DNAJC3: variants seen among roughly 807,000 people sequenced by gnomAD.
The protein encoded by DNAJC3 is DnaJ heat shock protein family (Hsp40) member C3, also known as dnaJ homolog subfamily C member 3.
DNAJC3 carries 38 observed loss-of-function variants against 68.6 expected under a neutral mutation model. The ratio of observed to expected loss-of-function variants is 0.55; its 90% CI spans 0.43 to 0.73. DNAJC3 has a LOEUF of 0.73. DNAJC3 is among the 30% of genes least tolerant of loss of function. The pLI, the probability that DNAJC3 is intolerant of heterozygous loss-of-function variation, is 0.00. For synonymous variants in DNAJC3, 203 were observed against 204.0 expected (o/e 1.00, Z 0.04); for missense variants, 526 against 591.9 (o/e 0.89, Z 1.16).
chr13:95,738,919 C>T (rs976409941), intron 4 of DNAJC3, among the ~76,000 whole-genome samples: 42 of 151,960 alleles, frequency 2.8e-4, no homozygotes, highest in African/African-American at 6.0e-4. Context: ...TTCCTAGTCT[C>T]GATGGTCTTT....
chr13:95,709,429 ATTTC>A, intron 2 of DNAJC3, 92 bp downstream of exon 2: 1 of 872,884 alleles, frequency 1.1e-6, no homozygotes, highest in Non-Finnish European at 1.7e-6. Flanking sequence ...AATAAACATT[ATTTC>A]ATGTTTAAAT....
At chr13:95,780,728 T>C (rs1261059944) in intron 9 of DNAJC3, among the ~76,000 whole-genome samples, 3 of 152,232 alleles carry the variant, frequency 2.0e-5, no homozygotes, top group Non-Finnish European at 2.9e-5. Flanking sequence ...AGGTCTGATA[T>C]ACTATATTCT....
chr13:95,700,904 A>G (rs1880567989), intron 1 of DNAJC3, among the ~76,000 whole-genome samples: 2 of 152,196 alleles, frequency 1.3e-5, no homozygotes, highest in Non-Finnish European at 2.9e-5. Context: ...GTCACCTAGC[A>G]CTTAAAGTGT....
At chr13:95,782,569 T>C (rs1022106152) in intron 9 of DNAJC3, among the ~76,000 whole-genome samples, 1 of 152,230 alleles carries the variant, frequency 6.6e-6, no homozygotes, top group African/African-American at 2.4e-5. Flanking sequence ...GATGAGCTTT[T>C]TTTCATATGT....
chr13:95,693,433 C>A (rs531955435), intron 1 of DNAJC3: 1 of 152,190 alleles, frequency 6.6e-6, no homozygotes, highest in South Asian at 2.1e-4. Flanking sequence ...ATAGGACAAC[C>A]CCACTTCACA....
intron 1 of DNAJC3, among the ~76,000 whole-genome samples, chr13:95,708,303 C>T (rs116243306): frequency 0.013 from 2,028 of 152,256 alleles, 49 homozygotes; most frequent in African/African-American, 0.045. Flanking sequence ...GAATTCAGAG[C>T]GGAGAGGCAA....
chr13:95,717,064 G>A (rs745521615), intron 2 of DNAJC3, among the ~76,000 whole-genome samples: 3 of 152,090 alleles, frequency 2.0e-5, no homozygotes, highest in Admixed American at 6.5e-5. Context: ...AGAGATGTGC[G>A]TTTATCAGAA....
In DNAJC3 at chr13:95,763,938, G is replaced by C. The variant is rs59892430; in HGVS notation, c.1060G>C (p.Glu354Gln). ...KDRAEAYLIE[E>Q]MYDEAIQDYE... Reference sequence around the variant, plus strand: ...TCGAGCAGAGGCCTATTTGATAGAGGAAATGTATGATGAAGGTAAATCTTT... The same window carrying C: ...TCGAGCAGAGGCCTATTTGATAGAGCAAATGTATGATGAAGGTAAATCTTT... The change falls in exon 9 of 12, where the codon GAA (glutamate) becomes CAA (glutamine). Residue 354 changes from glutamate (E) to glutamine (Q), a missense_variant. Coordinates refer to ENST00000602402, the MANE Select transcript of DNAJC3 (RefSeq NM_006260.5). 1,251 of 1,613,962 alleles carry C rather than the reference G, an allele frequency of 7.8e-4. 11 individuals are homozygous for C. The African/African-American group carries it at 0.014, about 19-fold the overall frequency.
intron 1 of DNAJC3, among the ~76,000 whole-genome samples, chr13:95,679,478 ATT>A (rs1879858959): frequency 6.6e-6 from 1 of 152,112 alleles, no homozygotes. Flanking sequence ...TTGACACTGG[ATT>A]TGGTGATAGG....
chr13:95,791,095 G>T lies in DNAJC3; in HGVS notation c.*65G>T. ...TAAAAACAAAGAAATCTTGTTCCGG[G>T]ACCCTAATGAAAAAAAATTTCAAAT... is the stretch of plus-strand genomic sequence containing the variant. On this transcript the variant is annotated 3_prime_UTR_variant, in exon 12 of 12. Coordinates refer to ENST00000602402, the MANE Select transcript of DNAJC3 (RefSeq NM_006260.5). The T allele has an allele frequency of 1.9e-6, 3 of 1,569,164 alleles. No individual in the cohort carries two copies. The highest frequency in any genetic ancestry group is 2.6e-6 in the Non-Finnish European group (3 of 1,157,934).
chr13:95,788,704 A>G (rs1883674575), intron 11 of DNAJC3, among the ~76,000 whole-genome samples: 1 of 152,216 alleles, frequency 6.6e-6, no homozygotes, highest in Non-Finnish European at 1.5e-5. Flanking sequence ...TAATGTGAAT[A>G]TAGCTGAATT....
At chr13:95,773,731 CTTTTTTTTTTTTTT>C (rs143145399) in intron 9 of DNAJC3, among the ~76,000 whole-genome samples, 1 of 71,336 alleles carries the variant, frequency 1.4e-5, no homozygotes, top group Non-Finnish European at 2.5e-5. Flanking sequence ...TTTTGTTGGT[CTTTTTTTTTTTTTT>C]TTTTTTTTTT....
intron 7 of DNAJC3, 133 bp downstream of exon 7, chr13:95,760,931 C>G: frequency 1.6e-6 from 2 of 1,246,038 alleles, no homozygotes; most frequent in Non-Finnish European, 2.1e-6. Flanking sequence ...TGGGCCTTAG[C>G]AAAACTACCA....
chr13:95,719,116 T>TA (rs766542672), intron 2 of DNAJC3, among the ~76,000 whole-genome samples: 2 of 152,180 alleles, frequency 1.3e-5, no homozygotes, highest in Non-Finnish European at 2.9e-5. Context: ...GGGAAACACT[T>TA]ACGTTTACTG....
intron 9 of DNAJC3, among the ~76,000 whole-genome samples, chr13:95,777,784 A>G (rs1380631462): frequency 6.6e-6 from 1 of 152,196 alleles, no homozygotes; most frequent in South Asian, 2.1e-4. Context: ...GAATATTAAG[A>G]AGGGAACAAA....
intron 4 of DNAJC3, among the ~76,000 whole-genome samples, chr13:95,743,203 T>A (rs570156273): frequency 6.6e-6 from 1 of 152,330 alleles, no homozygotes; most frequent in East Asian, 1.9e-4. Flanking sequence ...AGAAAAACTT[T>A]TGAGAATTTA....
intron 4 of DNAJC3, among the ~76,000 whole-genome samples, chr13:95,753,095 C>T (rs572917935): frequency 6.6e-6 from 1 of 152,276 alleles, no homozygotes; most frequent in South Asian, 2.1e-4. Flanking sequence ...CCTTCTTCTT[C>T]CCTCCTGCTC....
intron 4 of DNAJC3, chr13:95,742,617 C>G (rs756256048): frequency 2.0e-6 from 1 of 488,150 alleles, no homozygotes; most frequent in Non-Finnish European, 4.1e-6. Flanking sequence ...TCACTTCTCT[C>G]TTCTTCTTCT....
chr13:95,684,294 G>A (rs1880011305), intron 1 of DNAJC3, among the ~76,000 whole-genome samples: 1 of 152,194 alleles, frequency 6.6e-6, no homozygotes, highest in Non-Finnish European at 1.5e-5. Flanking sequence ...CTTTAGTAAA[G>A]AGACTGGTGG....
Sources: gnomAD v4.1 joint callset for allele counts (sites outside exome capture counted in the v4.1 genomes callset) on GRCh38, gnomAD v4.1.1 for gene constraint, MANE v1.5 for transcripts, NCBI Gene and HGNC (gene_info 2026-07-23, HGNC 2026-07-21) for gene names.